The following SEMA3E variants were observed in gnomAD, a reference collection of about 807,000 sequenced individuals.
SEMA3E encodes the protein semaphorin-3E.
A neutral mutation model predicts 93.6 loss-of-function variants in SEMA3E; 49 were observed. The observed-to-expected ratio is 0.52, with a 90% CI of 0.42 to 0.66. The LOEUF (loss-of-function observed/expected upper bound fraction) is 0.66, where lower values mean the gene tolerates loss of function less well. Among genes scored for constraint, SEMA3E ranks in the 30% least tolerant of loss-of-function variants. The probability of loss-of-function intolerance (pLI) is 0.00; values close to 1 mark genes in which losing one functional copy is unlikely to be tolerated. For synonymous variants in SEMA3E, 363 were observed against 330.7 expected, an observed-to-expected ratio of 1.10 and a Z score of -1.06; for missense variants, 906 against 964.8, an observed-to-expected ratio of 0.94 and a Z score of 0.81.
At chr7:83,388,032 C>T (rs762155629) in intron 14 of SEMA3E, among the ~76,000 whole-genome samples, 20 of 147,242 alleles carry the variant, frequency 1.4e-4, no homozygotes, top group African/African-American at 9.9e-5. Context: ...AAACATTAGC[C>T]GGGCATGGTG....
At chr7:83,482,923 G>GCAAATAGACA (rs35478144) in intron 2 of SEMA3E, among the ~76,000 whole-genome samples, 2 of 860 alleles carry the variant, frequency 2.3e-3, no homozygotes, top group South Asian at 0.045. Flanking sequence ...ATGAAAAAGA[G>GCAAATAGACA]AAATGGTCTG....
At chr7:83,451,659 G>A (rs1789361640) in intron 4 of SEMA3E, among the ~76,000 whole-genome samples, 1 of 152,174 alleles carries the variant, frequency 6.6e-6, no homozygotes, top group African/African-American at 2.4e-5. Context: ...CAGAAACTGT[G>A]GAATACTGTT....
At chr7:83,522,377 G>A (rs1256536036) in intron 1 of SEMA3E, among the ~76,000 whole-genome samples, 1 of 152,046 alleles carries the variant, frequency 6.6e-6, no homozygotes, top group South Asian at 2.1e-4. Context: ...TCTTCAGATA[G>A]CCATTGACCA....
At chr7:83,398,937 C>G (rs1343971013) in intron 11 of SEMA3E, among the ~76,000 whole-genome samples, 2 of 151,904 alleles carry the variant, frequency 1.3e-5, no homozygotes, top group Non-Finnish European at 2.9e-5. Flanking sequence ...GAGCAGGACC[C>G]CAGCTCAGGA....
In SEMA3E at chr7:83,601,846, C is replaced by G. The variant is rs374289095; in HGVS notation, c.115+46582G>C. Among the ~76,000 whole-genome samples the G allele has an allele frequency of 8.5e-5, 13 of 152,286 alleles. 1 individual carries two copies. The highest frequency in any genetic ancestry group is 1.9e-4 in the East Asian group (1 of 5,180). On this transcript the variant is annotated intron_variant, in intron 1 of 16. Transcript: ENST00000643230. ...ATATCTCTGGTTCGTGAAACATCCC[C>G]TTATCTAATAATAAATTTGTCCTGT...
chr7:83,529,921 G>A (rs1298463324), intron 1 of SEMA3E, among the ~76,000 whole-genome samples: 1 of 151,832 alleles, frequency 6.6e-6, no homozygotes, highest in African/African-American at 2.4e-5. Flanking sequence ...CTGTAGTAAA[G>A]CCCACTTAAT....
chr7:83,462,632 T>C (rs1789652057), intron 4 of SEMA3E, among the ~76,000 whole-genome samples: 2 of 151,864 alleles, frequency 1.3e-5, no homozygotes, highest in African/African-American at 4.8e-5. Context: ...TAATCACCTT[T>C]ACCCCACTCA....
intron 1 of SEMA3E, among the ~76,000 whole-genome samples, chr7:83,599,547 T>C (rs189979801): frequency 7.2e-4 from 110 of 152,350 alleles, no homozygotes; most frequent in Middle Eastern, 3.4e-3. Context: ...TTTATTTTTG[T>C]TAACATAAGT....
intron 1 of SEMA3E, among the ~76,000 whole-genome samples, chr7:83,614,033 G>C (rs1483010895): frequency 1.3e-5 from 2 of 152,054 alleles, no homozygotes. Flanking sequence ...AAATGGAAGT[G>C]AGAATTATTT....
At chr7:83,648,143 C>T (rs775556788) in intron 1 of SEMA3E, among the ~76,000 whole-genome samples, 11 of 152,062 alleles carry the variant, frequency 7.2e-5, no homozygotes, top group African/African-American at 2.2e-4. Flanking sequence ...TCCTGTGTTC[C>T]GCGGGCTAGT....
intron 1 of SEMA3E, among the ~76,000 whole-genome samples, chr7:83,539,612 T>G (rs991492042): frequency 6.6e-6 from 1 of 152,144 alleles, no homozygotes; most frequent in African/African-American, 2.4e-5. Context: ...TTCTTTCAGC[T>G]TTCCAAACCG....
chr7:83,633,736 A>C (rs2115682262), intron 1 of SEMA3E, among the ~76,000 whole-genome samples: 1 of 152,258 alleles, frequency 6.6e-6, no homozygotes, highest in African/African-American at 2.4e-5. Context: ...AACCGGCTGC[A>C]GTAGCAGCTG....
chr7:83,535,141 T>A (rs778488000), intron 1 of SEMA3E, among the ~76,000 whole-genome samples: 1 of 152,220 alleles, frequency 6.6e-6, no homozygotes, highest in African/African-American at 2.4e-5. Flanking sequence ...AGTGTGAATC[T>A]GCTGGAATTT....
At chr7:83,423,746 C>T (rs1054692622) in intron 4 of SEMA3E, among the ~76,000 whole-genome samples, 15 of 151,380 alleles carry the variant, frequency 9.9e-5, no homozygotes, top group Non-Finnish European at 1.8e-4. Flanking sequence ...CTCCTGACCT[C>T]GTGATCCCCC....
At chr7:83,585,141 C>T (rs775956928) in intron 1 of SEMA3E, among the ~76,000 whole-genome samples, 2 of 152,164 alleles carry the variant, frequency 1.3e-5, no homozygotes, top group African/African-American at 2.4e-5. Flanking sequence ...CTTCTCAGGA[C>T]TAAGTCCTTG....
intron 1 of SEMA3E, among the ~76,000 whole-genome samples, chr7:83,519,184 A>G (rs187530262): frequency 6.5e-4 from 96 of 147,852 alleles, no homozygotes; most frequent in Non-Finnish European, 6.7e-4. Flanking sequence ...ATGTGTTCTC[A>G]TTGTTCAATT....
In SEMA3E at chr7:83,400,212, G is replaced by T. The variant is rs2115617225; in HGVS notation, c.1182C>A (p.Thr394=). ...GGATGGCATCATCAGGATAGTCCTT[G>T]GTGGTTCCGTATCTCCCTCCATTTA... The part of the protein sequence containing the change: ...SKVNGGRYGT[T]KDYPDDAIRF... Residue 394 remains threonine, a synonymous_variant, in exon 11 of 17, where the codon ACC becomes ACA. Coordinates refer to ENST00000643230, the MANE Select transcript of SEMA3E (RefSeq NM_012431.3). 1 of 1,613,850 alleles carries T rather than the reference G, an allele frequency of 6.2e-7. No homozygotes were observed. The highest frequency in any genetic ancestry group is 8.5e-7 in the Non-Finnish European group (1 of 1,179,920).
chr7:83,425,645 A>G (rs1192338185), intron 4 of SEMA3E, among the ~76,000 whole-genome samples: 2 of 152,184 alleles, frequency 1.3e-5, no homozygotes, highest in Admixed American at 1.3e-4. Context: ...TCACATTTTT[A>G]TCTCTAAAAT....
intron 1 of SEMA3E, among the ~76,000 whole-genome samples, chr7:83,638,897 G>C (rs1013508179): frequency 1.3e-4 from 20 of 151,542 alleles, no homozygotes; most frequent in African/African-American, 4.9e-4. Flanking sequence ...GGATCACGAG[G>C]TCAGGAGATC....
Sources: allele counts gnomAD v4.1 joint callset (sites outside exome capture counted in the v4.1 genomes callset), GRCh38; gene constraint gnomAD v4.1.1; transcripts MANE v1.5; gene names NCBI Gene and HGNC (gene_info 2026-07-23, HGNC 2026-07-21).